Variants in EHMT1 observed in about 807,000 individuals in gnomAD.
The protein encoded by EHMT1 is euchromatic histone lysine methyltransferase 1.
EHMT1 carries 15 observed loss-of-function variants against 147.2 expected under a neutral mutation model. The ratio of observed to expected loss-of-function variants is 0.10; its 90% CI spans 0.07 to 0.16. The LOEUF is 0.16. EHMT1 is among the 10% of genes least tolerant of loss of function. EHMT1 has a pLI of 1.00. For synonymous variants in EHMT1, 795 were observed against 709.6 expected, an observed-to-expected ratio of 1.12 and a Z score of -1.91; for missense variants, 1,587 against 1,772.4, an observed-to-expected ratio of 0.90 and a Z score of 1.88.
chr9:137,806,684 C>T (rs548549860), intron 18 of EHMT1, among the ~76,000 whole-genome samples: 6 of 152,298 alleles, frequency 3.9e-5, no homozygotes, highest in South Asian at 2.1e-4. Context: ...CCGCCCGCCT[C>T]GGACTCCCAA....
At chr9:137,646,662 G>A (rs934729421) in intron 1 of EHMT1, among the ~76,000 whole-genome samples, 1 of 152,202 alleles carries the variant, frequency 6.6e-6, no homozygotes, top group African/African-American at 2.4e-5. Flanking sequence ...TTCACATCTC[G>A]CAAGGCACGT....
intron 10 of EHMT1, among the ~76,000 whole-genome samples, chr9:137,770,436 T>C (rs1174475686): frequency 6.6e-6 from 1 of 152,254 alleles, no homozygotes; most frequent in Non-Finnish European, 1.5e-5. Flanking sequence ...CTGAGTGTGC[T>C]TCTGTTGATG....
chr9:137,643,147 G>A (rs889651534), intron 1 of EHMT1, among the ~76,000 whole-genome samples: 1 of 152,006 alleles, frequency 6.6e-6, no homozygotes, highest in Non-Finnish European at 1.5e-5. Flanking sequence ...GTCTTCCAAG[G>A]TGTTGCGGTT....
Position 137,828,015 on chromosome 9 carries a change from G to A in EHMT1, c.3541-6334G>A, listed in dbSNP as rs1955931777. Among the ~76,000 whole-genome samples, 1 of 152,200 alleles carries A rather than the reference G, an allele frequency of 6.6e-6. No individual in the cohort carries two copies. The highest frequency in any genetic ancestry group is 6.5e-5 in the Admixed American group (1 of 15,282). On this transcript the variant is annotated intron_variant, in intron 25 of 26. Coordinates refer to ENST00000460843, the MANE Select transcript of EHMT1 (RefSeq NM_024757.5). The surrounding 1 kb of genome is among the most constrained non-coding windows in gnomAD (Gnocchi z 5.3). ...GCCCCTGTGTGAAGGGGCTCCTTGTGCCAGCCGACAGGGTGCGACGGGGTG... is the reference window on the plus strand; with the variant it reads ...GCCCCTGTGTGAAGGGGCTCCTTGTACCAGCCGACAGGGTGCGACGGGGTG...
At chr9:137,716,588 T>C (rs1197229457) in intron 2 of EHMT1, 38 bp from the exon 3 acceptor site, 1 of 1,529,284 alleles carries the variant, frequency 6.5e-7, no homozygotes, top group African/African-American at 1.4e-5. Context: ...ATGGAGAGCG[T>C]GGCCTGCAGT....
intron 1 of EHMT1, among the ~76,000 whole-genome samples, chr9:137,626,221 GTTC>G (rs745381815): frequency 6.6e-6 from 1 of 151,232 alleles, no homozygotes; most frequent in Non-Finnish European, 1.5e-5. Context: ...AGTATCTCCT[GTTC>G]TTGTTTTATA....
In EHMT1 at chr9:137,776,820, G is replaced by A. The variant is rs1240667236; in HGVS notation, c.1994G>A (p.Gly665Asp). The change falls in exon 12 of 27, where the codon GGC (glycine) becomes GAC (aspartate). Residue 665 changes from glycine (G) to aspartate (D), a missense_variant. Transcript: ENST00000460843. The surrounding 1 kb of genome is among the most constrained non-coding windows in gnomAD (Gnocchi z 4.4). The part of the protein sequence containing the change: ...PGQEKGSALE[G>D]RADTTTGSAA... Reference sequence around the variant, plus strand: ...CAGGAGAAGGGCTCGGCCCTGGAGGGCAGGGCCGACACCACAACGGGCAGG... The same window carrying A: ...CAGGAGAAGGGCTCGGCCCTGGAGGACAGGGCCGACACCACAACGGGCAGG... 1 of 1,613,890 alleles carries A rather than the reference G, an allele frequency of 6.2e-7. No homozygotes were observed. Among genetic ancestry groups the A allele is most frequent in the Non-Finnish European group, 8.5e-7 (1 of 1,179,984 alleles).
chr9:137,700,554 G>A (rs1287576284), intron 1 of EHMT1, among the ~76,000 whole-genome samples: 3 of 152,190 alleles, frequency 2.0e-5, no homozygotes, highest in Non-Finnish European at 4.4e-5. Flanking sequence ...GCTGAGGTGG[G>A]CCTCATTAGT....
At chr9:137,816,357 C>T (rs567302663) in intron 23 of EHMT1, 47 of 447,134 alleles carry the variant, frequency 1.1e-4, no homozygotes, top group Non-Finnish European at 1.5e-4. Context: ...CCTTTGTTAC[C>T]GAGTTCATGC....
At chr9:137,833,999 A>G (rs1588945219) in intron 25 of EHMT1, 3 of 317,662 alleles carry the variant, frequency 9.4e-6, no homozygotes, top group Non-Finnish European at 1.2e-5. Flanking sequence ...CCTTTCTCCT[A>G]TTGGTGCCAG....
At chr9:137,749,908 T>C (rs1419267186) in intron 6 of EHMT1, among the ~76,000 whole-genome samples, 1 of 152,226 alleles carries the variant, frequency 6.6e-6, no homozygotes, top group Non-Finnish European at 1.5e-5. Context: ...ATAGAAGGGT[T>C]AGAACATTTC....
At position 137,801,073 on chromosome 9, in the gene EHMT1, C is replaced by T. The variant is rs1333435696; in HGVS notation, c.2712+89C>T. Reference sequence around the variant, plus strand: ...AGGTTCTTTTCTCAAAAGCAGAACCCTGGCACCTGGTGGCGGCTTTGACCT... The same window carrying T: ...AGGTTCTTTTCTCAAAAGCAGAACCTTGGCACCTGGTGGCGGCTTTGACCT... On this transcript the variant is annotated intron_variant, in intron 18 of 26. Transcript: ENST00000460843. The T allele has an allele frequency of 9.2e-6, 11 of 1,199,072 alleles. No individual in the cohort carries two copies. The Admixed American group carries it at 2.1e-4, about 23-fold the overall frequency. 74.3% of individuals were successfully genotyped at this position (1,199,072 alleles called of 1,614,324 possible).
At chr9:137,773,007 CACAGAG>C (rs1254884318) in intron 10 of EHMT1, among the ~76,000 whole-genome samples, 1 of 152,154 alleles carries the variant, frequency 6.6e-6, no homozygotes, top group African/African-American at 2.4e-5. Context: ...TCTTACACAG[CACAGAG>C]CCAGAATCAT....
At chr9:137,754,795 G>A (rs1949249819) in intron 8 of EHMT1, among the ~76,000 whole-genome samples, 1 of 152,214 alleles carries the variant, frequency 6.6e-6, no homozygotes, top group Admixed American at 6.5e-5. Context: ...GGGATTACAG[G>A]TGTGAGCCAC....
intron 1 of EHMT1, among the ~76,000 whole-genome samples, chr9:137,653,967 A>G (rs1193157058): frequency 6.6e-6 from 1 of 152,204 alleles, no homozygotes; most frequent in African/African-American, 2.4e-5. Flanking sequence ...TGCTTTTTGT[A>G]TATGGTATGA....
chr9:137,832,664 A>T (rs1956299719), intron 25 of EHMT1: 1 of 152,156 alleles, frequency 6.6e-6, no homozygotes, highest in Admixed American at 6.6e-5. Flanking sequence ...TGTTGTCTTT[A>T]TCTGGTTCTG....
chr9:137,719,521 C>T (rs550868519), intron 3 of EHMT1, among the ~76,000 whole-genome samples: 6 of 152,286 alleles, frequency 3.9e-5, no homozygotes, highest in Non-Finnish European at 5.9e-5. Context: ...CCAGGCTGGC[C>T]GGCCTGACCC....
At chr9:137,660,552 T>C (rs1413224953) in intron 1 of EHMT1, among the ~76,000 whole-genome samples, 2 of 152,156 alleles carry the variant, frequency 1.3e-5, no homozygotes, top group Non-Finnish European at 2.9e-5. Flanking sequence ...TGGCCACTTA[T>C]TCTTCAATAT....
intron 16 of EHMT1, among the ~76,000 whole-genome samples, chr9:137,791,395 C>G (rs976313157): frequency 6.6e-6 from 1 of 152,058 alleles, no homozygotes; most frequent in Non-Finnish European, 1.5e-5. Context: ...TGTAAGCTAA[C>G]AAAACCAATT....
Sources: allele counts gnomAD v4.1 joint callset (sites outside exome capture counted in the v4.1 genomes callset), GRCh38; gene constraint gnomAD v4.1.1; non-coding constraint Gnocchi (gnomAD v3.1); transcripts MANE v1.5; gene names NCBI Gene and HGNC (gene_info 2026-07-23, HGNC 2026-07-21).